Variants in NMU observed in about 807,000 individuals in gnomAD.
NMU encodes neuromedin-U.
In NMU, 29 loss-of-function variants were observed where a neutral mutation model predicts 35.4. That is an observed-to-expected ratio of 0.82 (90% CI 0.61 to 1.12). NMU has a LOEUF of 1.12. Among genes scored for constraint, NMU ranks in the 50% most tolerant of loss-of-function variants. The pLI, the probability that NMU is intolerant of heterozygous loss-of-function variation, is 0.00. For missense variants in NMU, 199 were observed against 206.2 expected (o/e 0.97, Z 0.21); for synonymous variants, 78 against 81.3 (o/e 0.96, Z 0.22).
At chr4:55,617,845 G>C (rs943263631) in intron 2 of NMU, among the ~76,000 whole-genome samples, 2 of 152,188 alleles carry the variant, frequency 1.3e-5, no homozygotes, top group Non-Finnish European at 2.9e-5. Flanking sequence ...CCATCTATGT[G>C]AGGTGGTCCA....
chr4:55,611,562 A>C (rs1733932889), intron 3 of NMU, among the ~76,000 whole-genome samples: 1 of 152,170 alleles, frequency 6.6e-6, no homozygotes, highest in African/African-American at 2.4e-5. Context: ...CACCCAAAGC[A>C]ACTTCCAGTC....
chr4:55,633,295 G>A (rs1165379598), intron 1 of NMU, among the ~76,000 whole-genome samples: 2 of 151,116 alleles, frequency 1.3e-5, no homozygotes, highest in African/African-American at 2.4e-5. Flanking sequence ...ACTGCACTCC[G>A]GCCTGGGCAA....
rs1169875451 is a variant in NMU, at chr4:55,597,821, T to G, written c.*4+1321A>C. Among the ~76,000 whole-genome samples the G allele has an allele frequency of 2.0e-5, 3 of 152,304 alleles. No homozygotes were observed. The East Asian group carries it at 5.8e-4, about 29-fold the overall frequency. ...GTTTCCAAACTGATGTGTAGAGAGA[T>G]GTGCAAAGTACTCTTTCATGATTTT... On this transcript the variant is annotated intron_variant, in intron 9 of 9. Transcript: ENST00000264218.
At chr4:55,610,465 A>G (rs1415808376) in intron 3 of NMU, among the ~76,000 whole-genome samples, 2 of 98,384 alleles carry the variant, frequency 2.0e-5, no homozygotes, top group East Asian at 4.9e-4. Context: ...TCTGTCTCAG[A>G]AAAAAAAAAA....
chr4:55,603,911 CA>C (rs746222578), intron 7 of NMU, among the ~76,000 whole-genome samples: 6,075 of 49,980 alleles, frequency 0.12, 573 homozygotes, highest in South Asian at 0.2. Context: ...GAGTCCGTCT[CA>C]AAAAAAAAAA....
intron 3 of NMU, among the ~76,000 whole-genome samples, chr4:55,613,675 T>C (rs965230968): frequency 6.6e-6 from 1 of 152,148 alleles, no homozygotes; most frequent in Admixed American, 6.6e-5. Context: ...GCCCCCCACA[T>C]TGACTCTTTG....
At chr4:55,596,394 C>T (rs1322283684) in intron 9 of NMU, among the ~76,000 whole-genome samples, 3 of 147,242 alleles carry the variant, frequency 2.0e-5, no homozygotes, top group Non-Finnish European at 3.0e-5. Context: ...TTCACCAAAT[C>T]ATGGATTAAG....
rs1313514492 is a variant in NMU at position 55,625,187 on chromosome 4, AAAAAG to A, written c.171+5210_171+5214del. On this transcript the variant is annotated intron_variant, in intron 2 of 9. Transcript: ENST00000264218. ...GTATAATTAAAAAAAAAAAAAAAAA[AAAAAG>A]AACTGATATTAGGCCTGAGTCACCT... Among the ~76,000 whole-genome samples, 4 of 149,710 alleles carry A rather than the reference AAAAAG, an allele frequency of 2.7e-5. No homozygotes were observed. The East Asian group carries it at 7.8e-4, about 29-fold the overall frequency.
intron 7 of NMU, among the ~76,000 whole-genome samples, chr4:55,602,103 C>T (rs1399568220): frequency 6.6e-6 from 1 of 152,106 alleles, no homozygotes; most frequent in Non-Finnish European, 1.5e-5. Context: ...CAAATACAAA[C>T]TTCCAAATGC....
At position 55,609,158 on chromosome 4, in the gene NMU, G is replaced by A. The variant is rs756206272; in HGVS notation, c.241C>T (p.Leu81Phe). 6.2e-6 allele frequency: 10 copies of A among 1,613,204 alleles called. No individual in the cohort carries two copies. In the South Asian group the frequency reaches 7.7e-5, roughly 12 times the overall value. ...QPQASNALEE[L>F]CFMIMGMLPK... Reference sequence around the variant, plus strand: ...AGCATTCCCATAATCATAAAGCAAAGCTCCTCCAGTGCGTTGGATGCCTAA... The same window carrying A: ...AGCATTCCCATAATCATAAAGCAAAACTCCTCCAGTGCGTTGGATGCCTAA... Residue 81 changes from leucine (L) to phenylalanine (F), a missense_variant, in exon 4 of 10, where the codon CTT becomes TTT. Coordinates refer to ENST00000264218, the MANE Select transcript of NMU (RefSeq NM_006681.4).
intron 2 of NMU, among the ~76,000 whole-genome samples, chr4:55,619,099 G>A (rs1412627180): frequency 1.3e-5 from 2 of 152,024 alleles, no homozygotes; most frequent in Non-Finnish European, 2.9e-5. Context: ...GAACTTCTGA[G>A]CTCAAGTGAT....
chr4:55,604,434 A>G (rs544483571), intron 7 of NMU, among the ~76,000 whole-genome samples: 1 of 151,976 alleles, frequency 6.6e-6, no homozygotes, highest in East Asian at 1.9e-4. Context: ...GGTTACATTC[A>G]TCTTACACAT....
intron 8 of NMU, 35 bp from the exon 9 acceptor site, chr4:55,599,216 AC>A (rs771807575): frequency 1.3e-6 from 2 of 1,516,676 alleles, no homozygotes; most frequent in Non-Finnish European, 1.8e-6. Flanking sequence ...AATCAGTGTA[AC>A]TAAAGATGCA....
chr4:55,599,184 G>A lies in NMU; in HGVS notation c.490-3C>T. On this transcript the variant is annotated splice_region_variant and splice_polypyrimidine_tract_variant and intron_variant, in intron 8 of 9. Coordinates refer to ENST00000264218, the MANE Select transcript of NMU (RefSeq NM_006681.4). The stretch of plus-strand genomic sequence containing the variant: ...GCTGACCTTCTTCCATTCCGTGGCT[G>A]AAAAATAATAGATTAGAAATAAATC... 6.2e-7 allele frequency: 1 copy of A among 1,602,966 alleles called. No individual in the cohort carries two copies. Among genetic ancestry groups the A allele is most frequent in the Non-Finnish European group, 8.5e-7 (1 of 1,170,128 alleles).
chr4:55,634,042 G>T (rs1391928011), intron 1 of NMU, among the ~76,000 whole-genome samples: 2 of 152,160 alleles, frequency 1.3e-5, no homozygotes, highest in East Asian at 3.9e-4. Flanking sequence ...TTTTTTGTTT[G>T]TTTGTTTTTT....
intron 9 of NMU, 39 bp downstream of exon 9, chr4:55,599,101 ACT>A (rs749168912): frequency 1.3e-5 from 17 of 1,322,088 alleles, no homozygotes; most frequent in Non-Finnish European, 1.8e-5. Flanking sequence ...TGAAATGCAT[ACT>A]ATTTTATTTA....
chr4:55,636,341 T>C, upstream of NMU: 5 of 1,192,056 alleles, frequency 4.2e-6, no homozygotes, highest in South Asian at 2.0e-5. The surrounding 1 kb of genome is among the most constrained non-coding windows in gnomAD (Gnocchi z 4.0). Flanking sequence ...CGCGCACAAG[T>C]GGGCTGGGCT....
chr4:55,617,340 A>G (rs981648760), intron 2 of NMU, among the ~76,000 whole-genome samples: 2 of 152,182 alleles, frequency 1.3e-5, no homozygotes, highest in African/African-American at 4.8e-5. Flanking sequence ...TTACAGAAAA[A>G]GCATAAGCTT....
At position 55,605,348 on chromosome 4, in the gene NMU, G is replaced by T; in HGVS notation, c.362C>A (p.Ser121Ter). The T allele has an allele frequency of 6.2e-7, 1 of 1,610,234 alleles. No individual in the cohort carries two copies. The highest frequency in any genetic ancestry group is 1.1e-5 in the South Asian group (1 of 90,978). ...TQKLGKSNVV[S>*]SVVHPLLQLV... Reference sequence around the variant, plus strand: ...CTGCAGCAACGGATGCACAACTGACGACTGAGAGGACATGAACACACACGT... The same window carrying T: ...CTGCAGCAACGGATGCACAACTGACTACTGAGAGGACATGAACACACACGT... Residue 121 changes from serine (S) to a stop codon, truncating the protein, a stop_gained and splice_region_variant, in exon 7 of 10, where the codon TCG becomes TAG. Coordinates refer to ENST00000264218, the MANE Select transcript of NMU (RefSeq NM_006681.4). LOFTEE classifies it high-confidence loss of function.
Sources: allele counts gnomAD v4.1 joint callset (sites outside exome capture counted in the v4.1 genomes callset), GRCh38; gene constraint gnomAD v4.1.1; non-coding constraint Gnocchi (gnomAD v3.1); transcripts MANE v1.5; gene names NCBI Gene and HGNC (gene_info 2026-07-23, HGNC 2026-07-21).